Variants in RBM20 observed in about 807,000 individuals in gnomAD.
RBM20 encodes RNA-binding protein 20.
RBM20 carries 51 observed loss-of-function variants against 110.1 expected under a neutral mutation model. The ratio of observed to expected loss-of-function variants is 0.46; its 90% confidence interval spans 0.37 to 0.59. The LOEUF is 0.59. RBM20 is among the 20% of genes least tolerant of loss of function. The pLI, the probability that RBM20 is intolerant of heterozygous loss-of-function variation, is 0.00. For missense variants in RBM20, 1,512 were observed against 1,574.9 expected, an observed-to-expected ratio of 0.96 and a Z score of 0.68; for synonymous variants, 589 against 618.2, an observed-to-expected ratio of 0.95 and a Z score of 0.70.
intron 1 of RBM20, among the ~76,000 whole-genome samples, chr10:110,758,882 A>G (rs777643548): frequency 6.6e-6 from 1 of 152,372 alleles, no homozygotes; most frequent in African/African-American, 2.4e-5. Context: ...CTGTGGATCC[A>G]ACATGAGATC....
At chr10:110,662,022 A>AAAAC (rs1862111865) in intron 1 of RBM20, among the ~76,000 whole-genome samples, 1 of 151,850 alleles carries the variant, frequency 6.6e-6, no homozygotes, top group South Asian at 2.1e-4. Context: ...GAAAAAAAAA[A>AAAAC]AAGATAGTAG....
intron 1 of RBM20, among the ~76,000 whole-genome samples, chr10:110,740,582 T>A (rs2419580): frequency 2.2e-4 from 33 of 151,986 alleles, no homozygotes; most frequent in African/African-American, 5.3e-4. Flanking sequence ...TCTCCTTCCC[T>A]TCCCCCATGT....
At chr10:110,748,128 A>G (rs1041833285) in intron 1 of RBM20, among the ~76,000 whole-genome samples, 1 of 152,144 alleles carries the variant, frequency 6.6e-6, no homozygotes, top group Non-Finnish European at 1.5e-5. Flanking sequence ...TTTTTCATTA[A>G]TGAGAAAACA....
intron 12 of RBM20, among the ~76,000 whole-genome samples, chr10:110,829,430 C>T (rs1845020761): frequency 6.6e-6 from 1 of 152,080 alleles, no homozygotes; most frequent in African/African-American, 2.4e-5. Context: ...CTTCTGGGGA[C>T]CACTGCTGAG....
At chr10:110,810,814 T>C (rs12569878) in intron 8 of RBM20, among the ~76,000 whole-genome samples, 9,164 of 146,142 alleles carry the variant, frequency 0.063, 332 homozygotes, top group South Asian at 0.11. Flanking sequence ...TGTGTGTGTG[T>C]GCGTGTGTGC....
At chr10:110,665,123 G>A (rs1449783936) in intron 1 of RBM20, among the ~76,000 whole-genome samples, 2 of 151,838 alleles carry the variant, frequency 1.3e-5, no homozygotes, top group African/African-American at 4.8e-5. Context: ...TGATCTTCCC[G>A]CCTCAGCCTC....
chr10:110,646,330 T>C (rs746755676), intron 1 of RBM20, among the ~76,000 whole-genome samples: 1 of 152,256 alleles, frequency 6.6e-6, no homozygotes, highest in Non-Finnish European at 1.5e-5. Flanking sequence ...ATTTAAAGTA[T>C]ATTTTATTTG....
chr10:110,757,209 A>T (rs1329604091), intron 1 of RBM20, among the ~76,000 whole-genome samples: 1 of 152,232 alleles, frequency 6.6e-6, no homozygotes, highest in Non-Finnish European at 1.5e-5. Flanking sequence ...TCTCCCAAGC[A>T]CACACTGTTT....
intron 1 of RBM20, among the ~76,000 whole-genome samples, chr10:110,766,577 A>G (rs1195243366): frequency 6.6e-6 from 1 of 151,832 alleles, no homozygotes; most frequent in Non-Finnish European, 1.5e-5. Flanking sequence ...CACATCTTGC[A>G]CTGCCCTTAA....
At chr10:110,831,339 AC>A in intron 13 of RBM20, 157 bp downstream of exon 13, 1 of 672,784 alleles carries the variant, frequency 1.5e-6, no homozygotes, top group Non-Finnish European at 2.4e-6. Context: ...CCCCAAGCAC[AC>A]CAGGCTGTTT....
Position 110,764,469 on chromosome 10 carries a change from T to C in RBM20, c.192-16332T>C, listed in dbSNP as rs188443871. Among the ~76,000 whole-genome samples, 3 of 152,340 alleles carry C rather than the reference T, an allele frequency of 2.0e-5. No homozygotes were observed. In the East Asian group the frequency reaches 5.8e-4, roughly 29 times the overall value. On this transcript the variant is annotated intron_variant, in intron 1 of 13. Transcript: ENST00000369519. The stretch of plus-strand genomic sequence containing the variant: ...CTTGGGTGTTGATATGTGAAGAGGC[T>C]GAGAACATGTGGCATAAACATCGAC...
chr10:110,780,722 G>A, intron 1 of RBM20, 79 bp from the exon 2 acceptor site: 1 of 1,427,976 alleles, frequency 7.0e-7, no homozygotes, highest in African/African-American at 1.4e-5. Context: ...TGGGAGGGGG[G>A]ACCACAGATA....
intron 1 of RBM20, among the ~76,000 whole-genome samples, chr10:110,668,133 GT>G (rs1862205977): frequency 6.6e-6 from 1 of 152,100 alleles, no homozygotes; most frequent in South Asian, 2.1e-4. Context: ...TTTTAACTAA[GT>G]TTAGCATATG....
At chr10:110,800,632 G>A (rs73358981) in intron 7 of RBM20, among the ~76,000 whole-genome samples, 16 of 152,284 alleles carry the variant, frequency 1.1e-4, no homozygotes, top group African/African-American at 2.4e-4. Flanking sequence ...AGAAGCTCCC[G>A]TGAGTCCCTC....
chr10:110,717,124 A>G (rs1011116179), intron 1 of RBM20, among the ~76,000 whole-genome samples: 1 of 152,106 alleles, frequency 6.6e-6, no homozygotes, highest in Non-Finnish European at 1.5e-5. Context: ...GCAATCCTCA[A>G]CTGCAGGCTT....
intron 9 of RBM20, among the ~76,000 whole-genome samples, chr10:110,817,205 C>T (rs1844851352): frequency 6.6e-6 from 1 of 152,148 alleles, no homozygotes; most frequent in African/African-American, 2.4e-5. Flanking sequence ...GAAAGTGGTG[C>T]CATCTGTGGG....
chr10:110,836,042 G>A lies in RBM20; in HGVS notation c.*64G>A. 1 of 681,960 alleles carries A rather than the reference G, an allele frequency of 1.5e-6. No individual in the cohort carries two copies. Among genetic ancestry groups the A allele is most frequent in the Non-Finnish European group, 2.6e-6 (1 of 391,120 alleles). 42.2% of individuals were successfully genotyped at this position (681,960 alleles called of 1,614,324 possible). On this transcript the variant is annotated 3_prime_UTR_variant, in exon 14 of 14. Coordinates refer to ENST00000369519, the MANE Select transcript of RBM20 (RefSeq NM_001134363.3). ...TGGAAAGGAGAGCTTGCTGAAGTGG[G>A]GCCTTCCTGATTCTGGGGACAGGAC...
chr10:110,711,695 C>T (rs1862932181), intron 1 of RBM20, among the ~76,000 whole-genome samples: 1 of 152,194 alleles, frequency 6.6e-6, no homozygotes. Flanking sequence ...GCCGCATAAG[C>T]CAGCCTCCTT....
At chr10:110,785,433 G>A (rs1301159533) in intron 5 of RBM20, among the ~76,000 whole-genome samples, 2 of 152,130 alleles carry the variant, frequency 1.3e-5, no homozygotes, top group African/African-American at 4.8e-5. Context: ...GTGTATGCCT[G>A]TAGTCGCAGC....
Sources: allele counts gnomAD v4.1 joint callset (sites outside exome capture counted in the v4.1 genomes callset), GRCh38; gene constraint gnomAD v4.1.1; transcripts MANE v1.5; gene names NCBI Gene and HGNC (gene_info 2026-07-23, HGNC 2026-07-21).